Variants in SOX6 observed in about 807,000 individuals in gnomAD.
SOX6 encodes the protein transcription factor SOX-6.
Under a neutral mutation model 97.8 loss-of-function variants are expected in SOX6, and 11 were observed. That is an observed-to-expected ratio of 0.11 (90% CI 0.07 to 0.19). The LOEUF (loss-of-function observed/expected upper bound fraction) is 0.19. Among genes scored for constraint, SOX6 ranks in the 10% least tolerant of loss-of-function variants. The probability of loss-of-function intolerance (pLI) is 1.00; values close to 1 mark genes in which losing one functional copy is unlikely to be tolerated. For missense variants in SOX6, 810 were observed against 1,039.5 expected, an observed-to-expected ratio of 0.78 and a Z score of 3.04; for synonymous variants, 360 against 371.4, an observed-to-expected ratio of 0.97 and a Z score of 0.35.
intron 3 of SOX6, among the ~76,000 whole-genome samples, chr11:16,301,163 TAAAG>T (rs748480332): frequency 3.3e-5 from 5 of 152,172 alleles, no homozygotes; most frequent in Admixed American, 6.5e-5. Flanking sequence ...AAATAAGACT[TAAAG>T]AAAGAATAAT....
intron 13 of SOX6, among the ~76,000 whole-genome samples, chr11:16,004,445 T>C (rs968800661): frequency 1.3e-5 from 2 of 152,072 alleles, no homozygotes; most frequent in Admixed American, 6.6e-5. Context: ...GTCTGGGGAA[T>C]CTGTATTTCA....
chr11:16,158,450 CT>C (rs1850658425), intron 6 of SOX6, among the ~76,000 whole-genome samples: 1 of 152,012 alleles, frequency 6.6e-6, no homozygotes, highest in Admixed American at 6.6e-5. Flanking sequence ...TTTCCCACAT[CT>C]CCCAAGAGTC....
chr11:16,677,395 C>T (rs1590048462), intron 3 of SOX6, among the ~76,000 whole-genome samples: 2 of 152,024 alleles, frequency 1.3e-5, no homozygotes, highest in Non-Finnish European at 2.9e-5. Context: ...TCCCTGGTTG[C>T]TGTAAGCTTT....
intron 4 of SOX6, among the ~76,000 whole-genome samples, chr11:16,543,331 A>G (rs35915685): frequency 6.6e-6 from 1 of 152,138 alleles, no homozygotes; most frequent in Non-Finnish European, 1.5e-5. Context: ...TTAGAATTTT[A>G]CAATATCAAT....
intron 2 of SOX6, among the ~76,000 whole-genome samples, chr11:16,716,597 A>G: frequency 6.6e-6 from 1 of 152,206 alleles, no homozygotes; most frequent in Non-Finnish European, 1.5e-5. Context: ...CATATCCCCA[A>G]CAGTAACACA....
chr11:16,374,970 G>A, intron 1 of SOX6, among the ~76,000 whole-genome samples: 1 of 151,796 alleles, frequency 6.6e-6, no homozygotes, highest in East Asian at 1.9e-4. Context: ...GACAACTACA[G>A]TCCAAATTCA....
intron 12 of SOX6, 54 bp downstream of exon 12, chr11:16,046,460 T>G: frequency 6.2e-4 from 981 of 1,589,876 alleles, no homozygotes; most frequent in Non-Finnish European, 7.7e-4. Flanking sequence ...AAGAACCAGA[T>G]GAGAGTGAGC....
At chr11:16,352,250 T>TGATGGATG (rs3030887) in intron 1 of SOX6, among the ~76,000 whole-genome samples, 5,786 of 147,436 alleles carry the variant, frequency 0.039, 134 homozygotes, top group Non-Finnish European at 0.056. Context: ...AATGGGCAGA[T>TGATGGATG]GATGGATGGA....
At chr11:16,701,633 G>A (rs1204335073) in intron 3 of SOX6, among the ~76,000 whole-genome samples, 1 of 151,874 alleles carries the variant, frequency 6.6e-6, no homozygotes, top group Non-Finnish European at 1.5e-5. Flanking sequence ...CGAGGCAGGC[G>A]GATCACAAGG....
At chr11:15,988,348 ACT>A (rs1853932401) in intron 14 of SOX6, among the ~76,000 whole-genome samples, 1 of 152,168 alleles carries the variant, frequency 6.6e-6, no homozygotes, top group African/African-American at 2.4e-5. Flanking sequence ...ATAGAGAATC[ACT>A]CTGGCAATTT....
chr11:16,028,917 G>T lies in SOX6; in HGVS notation c.1624-13867C>A, dbSNP rs576318274. Among the ~76,000 whole-genome samples, 16 of 152,276 alleles carry T rather than the reference G, an allele frequency of 1.1e-4. No homozygotes were observed. In the South Asian group the frequency reaches 3.3e-3, roughly 32 times the overall value. The stretch of plus-strand genomic sequence containing the variant: ...CAATGTAATGTATATTTTGGGTAGA[G>T]CTTTGTGTTTGTTGTCATTATATTA... On this transcript the variant is annotated intron_variant, in intron 12 of 15. Coordinates refer to ENST00000683767, the MANE Select transcript of SOX6 (RefSeq NM_001367873.1).
intron 1 of SOX6, among the ~76,000 whole-genome samples, chr11:16,347,807 A>G (rs74979599): frequency 0.055 from 8,425 of 152,236 alleles, 304 homozygotes; most frequent in Non-Finnish European, 0.08. Context: ...TCCAGAAAAA[A>G]AGAGAAAAAT....
chr11:16,585,781 C>T lies in SOX6; in HGVS notation n.609+26300G>A, dbSNP rs372124389. 4.1e-5 allele frequency among the ~76,000 whole-genome samples: 6 copies of T among 148,076 alleles called. No homozygotes were observed. In the East Asian group the frequency reaches 6.0e-4, roughly 15 times the overall value. On this transcript the variant is annotated intron_variant and non_coding_transcript_variant, in intron 4 of 5. Transcript: ENST00000524520. ...TGCCACAGCCAGGACCTTCCAGGCTCAAGCAGTCCTCCCACTTCAACCTCC... is the reference window on the plus strand; with the variant it reads ...TGCCACAGCCAGGACCTTCCAGGCTTAAGCAGTCCTCCCACTTCAACCTCC...
chr11:16,631,134 C>T (rs1384660604), intron 3 of SOX6, among the ~76,000 whole-genome samples: 1 of 151,926 alleles, frequency 6.6e-6, no homozygotes, highest in Non-Finnish European at 1.5e-5. Context: ...AAGGTTGTTA[C>T]TTTGTTGCTT....
intron 12 of SOX6, among the ~76,000 whole-genome samples, chr11:16,035,797 T>G (rs532383041): frequency 3.9e-5 from 6 of 152,312 alleles, no homozygotes; most frequent in African/African-American, 1.4e-4. Context: ...TTAGCAAGGA[T>G]GATAGTATAG....
intron 9 of SOX6, among the ~76,000 whole-genome samples, chr11:16,075,683 G>A (rs979552826): frequency 8.6e-5 from 13 of 152,032 alleles, no homozygotes; most frequent in East Asian, 7.7e-4. Context: ...GAGGGATAGC[G>A]TTAGGAGAAA....
intron 1 of SOX6, among the ~76,000 whole-genome samples, chr11:16,439,609 C>G (rs1015302411): frequency 1.9e-4 from 29 of 152,270 alleles, no homozygotes; most frequent in African/African-American, 7.0e-4. Flanking sequence ...TGGCTTTAAT[C>G]CTTTATCTCT....
At chr11:16,692,143 G>A (rs1047530854) in intron 3 of SOX6, among the ~76,000 whole-genome samples, 1 of 150,940 alleles carries the variant, frequency 6.6e-6, no homozygotes, top group Non-Finnish European at 1.5e-5. Context: ...GCGTGATCTC[G>A]GCTCACTGCA....
chr11:16,054,977 G>A (rs77482474), intron 10 of SOX6, among the ~76,000 whole-genome samples: 5,767 of 152,214 alleles, frequency 0.038, 354 homozygotes, highest in African/African-American at 0.13. Context: ...ATTAGTGAGA[G>A]AAGACATCTA....
Sources: allele counts gnomAD v4.1 joint callset (sites outside exome capture counted in the v4.1 genomes callset), GRCh38; gene constraint gnomAD v4.1.1; transcripts MANE v1.5; gene names NCBI Gene and HGNC (gene_info 2026-07-23, HGNC 2026-07-21).